MYPN: variants seen among roughly 807,000 people sequenced by gnomAD.
The protein encoded by MYPN is sarcomeric protein myopalladin, 145 kDa (MYOP).
MYPN carries 63 observed loss-of-function variants against 129.4 expected under a neutral mutation model. The ratio of observed to expected loss-of-function variants is 0.49; its 90% CI spans 0.40 to 0.60. The LOEUF is 0.60. Ranked by LOEUF, MYPN falls within the 20% of genes least tolerant of loss-of-function variation. MYPN has a pLI of 0.00. For missense variants in MYPN, 1,596 were observed against 1,635.4 expected (o/e 0.98, Z 0.42); for synonymous variants, 629 against 600.9 (o/e 1.05, Z -0.68).
In MYPN at chr10:68,176,103, C is replaced by A. The variant is rs1235112991; in HGVS notation, c.2703+642C>A. ...GCTGTCTAATCTTCAATCTAATGTGCTTAAAAGTTTGATCACCAGTACCTC... is the reference window on the plus strand; with the variant it reads ...GCTGTCTAATCTTCAATCTAATGTGATTAAAAGTTTGATCACCAGTACCTC... On this transcript the variant is annotated intron_variant, in intron 12 of 19. Coordinates refer to ENST00000358913, the MANE Select transcript of MYPN (RefSeq NM_032578.4). Among the ~76,000 whole-genome samples the A allele has an allele frequency of 3.9e-5, 6 of 152,218 alleles. No individual in the cohort carries two copies. The East Asian group carries it at 1.2e-3, about 29-fold the overall frequency.
At position 68,201,939 on chromosome 10, in the gene MYPN, G is replaced by A. The variant is rs1458070941; in HGVS notation, c.3604G>A (p.Val1202Met). The A allele has an allele frequency of 6.2e-7, 1 of 1,614,028 alleles. No individual in the cohort carries two copies. Among genetic ancestry groups the A allele is most frequent in the Non-Finnish European group, 8.5e-7 (1 of 1,180,038 alleles). ...CCGCGTGATAGGCATGCCCCCACCTGTGTTCTACTGGAAGAAAGACAATGA... is the reference window on the plus strand; with the variant it reads ...CCGCGTGATAGGCATGCCCCCACCTATGTTCTACTGGAAGAAAGACAATGA... ...ECRVIGMPPP[V>M]FYWKKDNETI... is the part of the protein sequence containing the mutation. The change falls in exon 18 of 20, where the codon GTG (valine) becomes ATG (methionine). Residue 1202 changes from valine (V) to methionine (M), a missense_variant. Physicochemically the swap from Val to Met is conservative, Grantham distance 21 (BLOSUM62 1). Transcript: ENST00000358913.
intron 1 of MYPN, among the ~76,000 whole-genome samples, chr10:68,110,543 G>A (rs2133961928): frequency 6.6e-6 from 1 of 152,232 alleles, no homozygotes; most frequent in Admixed American, 6.5e-5. Context: ...ACATCAGCTT[G>A]AAAGAAACAA....
At chr10:68,147,934 A>G (rs2042696619) in intron 4 of MYPN, among the ~76,000 whole-genome samples, 1 of 152,212 alleles carries the variant, frequency 6.6e-6, no homozygotes, top group Non-Finnish European at 1.5e-5. Context: ...TATATATGAG[A>G]GACCCTGTCT....
upstream of MYPN, among the ~76,000 whole-genome samples, chr10:68,102,873 A>T (rs985388779): frequency 6.6e-6 from 1 of 152,184 alleles, no homozygotes; most frequent in African/African-American, 2.4e-5. Flanking sequence ...CTGTAACATT[A>T]TCTGCTTACT....
chr10:68,121,456 AG>A lies in MYPN; in HGVS notation c.19del (p.Glu7LysfsTer10). On this transcript the variant is annotated frameshift_variant, in exon 2 of 20. Coordinates refer to ENST00000358913, the MANE Select transcript of MYPN (RefSeq NM_032578.4). LOFTEE classifies it high-confidence loss of function. Reference sequence around the variant, plus strand: ...GTGACAGCATGCAAGACGACAGCATAGAAGCTTCTACTTCCATATCTCAGCT... The same window carrying A: ...GTGACAGCATGCAAGACGACAGCATAAAGCTTCTACTTCCATATCTCAGCT... The part of the protein sequence containing the change: MQDDSI[E>X]ASTSISQLLR... The A allele has an allele frequency of 6.2e-7, 1 of 1,612,590 alleles. No individual in the cohort carries two copies. Among genetic ancestry groups the A allele is most frequent in the Non-Finnish European group, 8.5e-7 (1 of 1,179,404 alleles).
Position 68,165,074 on chromosome 10 carries a change from G to A in MYPN, c.1484-628G>A, listed in dbSNP as rs564812973. The stretch of plus-strand genomic sequence containing the variant: ...CTAATTTGTTTTTGTGATTTTTTAA[G>A]TTTATTGTTATACATTTCTATTTTT... On this transcript the variant is annotated intron_variant, in intron 8 of 19. Transcript: ENST00000358913. Among the ~76,000 whole-genome samples the A allele has an allele frequency of 5.3e-5, 8 of 152,258 alleles. No individual in the cohort carries two copies. The East Asian group carries it at 1.5e-3, about 29-fold the overall frequency.
At position 68,121,565 on chromosome 10, in the gene MYPN, C is replaced by A. The variant is rs2042242406; in HGVS notation, c.127C>A (p.His43Asn). The change falls in exon 2 of 20, where the codon CAT (histidine) becomes AAT (asparagine). Residue 43 changes from histidine (H) to asparagine (N), a missense_variant. His to Asn is a moderately conservative substitution (Grantham distance 68, BLOSUM62 1). Transcript: ENST00000358913. ...SRAEPSSNPC[H>N]FGSPSGAAEG... ...AGCGGAGCCCTCCTCCAACCCTTGC[C>A]ATTTCGGCAGTCCTTCTGGGGCCGC... 1.2e-6 allele frequency: 2 copies of A among 1,614,204 alleles called. No homozygotes were observed. Among genetic ancestry groups the A allele is most frequent in the Non-Finnish European group, 1.7e-6 (2 of 1,180,050 alleles).
intron 2 of MYPN, 115 bp from the exon 3 acceptor site, chr10:68,142,825 T>TTTG (rs1345078845): frequency 2.0e-6 from 2 of 1,022,656 alleles, no homozygotes; most frequent in Non-Finnish European, 3.1e-6. Context: ...GATGGAGTTT[T>TTTG]TTGTTGTTGT....
chr10:68,112,279 A>C (rs2042092333), intron 1 of MYPN, among the ~76,000 whole-genome samples: 1 of 152,116 alleles, frequency 6.6e-6, no homozygotes, highest in Non-Finnish European at 1.5e-5. Context: ...TGTCTTTCAG[A>C]TTAAATAGTA....
chr10:68,094,083 G>A lies in MYPN; in HGVS notation c.-2+6091G>A, dbSNP rs148629832. Among the ~76,000 whole-genome samples, 10 of 152,040 alleles carry A rather than the reference G, an allele frequency of 6.6e-5. No individual in the cohort carries two copies. In the East Asian group the frequency reaches 1.5e-3, roughly 23 times the overall value. On this transcript the variant is annotated intron_variant, in intron 1 of 6. Coordinates refer to the MYPN transcript ENST00000685154. Reference sequence around the variant, plus strand: ...AGGACAACCAAAGGTCACTTTCGTCGCCATCTTGGATTTGGTGGATTTTGG... The same window carrying A: ...AGGACAACCAAAGGTCACTTTCGTCACCATCTTGGATTTGGTGGATTTTGG...
chr10:68,175,240 C>T, intron 11 of MYPN, 83 bp from the exon 12 acceptor site: 1 of 1,473,656 alleles, frequency 6.8e-7, no homozygotes, highest in Non-Finnish European at 9.5e-7. Context: ...TTCTGGTTGT[C>T]ATTTCAACCA....
chr10:68,175,214 C>T lies in MYPN; in HGVS notation c.2565-109C>T, dbSNP rs2043208353. ...TGCACAGGGCTTAATTCCCTAAGTG[C>T]CTAATGACCGCTGGTTTCTGGTTGT... On this transcript the variant is annotated intron_variant, in intron 11 of 19. Coordinates refer to ENST00000358913, the MANE Select transcript of MYPN (RefSeq NM_032578.4). 7 of 1,163,592 alleles carry T rather than the reference C, an allele frequency of 6.0e-6. 1 individual carries two copies. The East Asian group carries it at 1.4e-4, about 24-fold the overall frequency. 72.1% of individuals were successfully genotyped at this position (1,163,592 alleles called of 1,614,324 possible).
At chr10:68,199,241 G>C in intron 16 of MYPN, 127 bp from the exon 17 acceptor site, 1 of 866,460 alleles carries the variant, frequency 1.2e-6, no homozygotes, top group South Asian at 1.4e-5. Flanking sequence ...CCCCTACAGA[G>C]AGGTTTCTCA....
chr10:68,180,050 C>G lies in MYPN; in HGVS notation c.2703+4589C>G, dbSNP rs78760442. ...CTGTGTTTTGCAGAATGTTGTATCC[C>G]CATTGTCTATCACAGTGTTTAGCAC... On this transcript the variant is annotated intron_variant, in intron 12 of 19. Coordinates refer to ENST00000358913, the MANE Select transcript of MYPN (RefSeq NM_032578.4). Among the ~76,000 whole-genome samples the G allele has an allele frequency of 1.8e-4, 28 of 152,242 alleles. No homozygotes were observed. The East Asian group carries it at 5.2e-3, about 28-fold the overall frequency.
rs1481178406 is a variant in MYPN at position 68,165,814 on chromosome 10, G to A, written c.1596G>A (p.Val532=). 6.2e-7 allele frequency: 1 copy of A among 1,612,136 alleles called. No homozygotes were observed. The highest frequency in any genetic ancestry group is 8.5e-7 in the Non-Finnish European group (1 of 1,178,164). The change falls in exon 9 of 20, where the codon GTG becomes GTA. Residue 532 remains valine (V), a synonymous_variant. Coordinates refer to ENST00000358913, the MANE Select transcript of MYPN (RefSeq NM_032578.4). ...TGTCAAGCATTGCACAGCTGCACGT[G>A]AGAGGTAAGGACTCTTTAATGCTAG... is the stretch of plus-strand genomic sequence containing the variant. The part of the protein sequence containing the change: ...GTVSSIAQLH[V]RGNEDLSNNG...
Position 68,158,591 on chromosome 10 carries a change from A to C in MYPN, c.1423A>C (p.Ile475Leu). 1 of 1,601,298 alleles carries C rather than the reference A, an allele frequency of 6.2e-7. No homozygotes were observed. Among genetic ancestry groups the C allele is most frequent in the Non-Finnish European group, 8.6e-7 (1 of 1,168,632 alleles). ...KVEWYREGTL[I>L]EDSPDFRILQ... is the part of the protein sequence containing the mutation. ...TGAGTGGTATAGAGAAGGGACTTTA[A>C]TAGAAGATTCTCCAGATTTTAGGAT... Residue 475 changes from isoleucine to leucine, a missense_variant, in exon 7 of 20, where the codon ATA becomes CTA. By Grantham distance (5) the Ile-to-Leu change is conservative. Transcript: ENST00000358913.
chr10:68,106,097 T>C (rs760321087), upstream of MYPN: 12 of 453,224 alleles, frequency 2.6e-5, no homozygotes, highest in Non-Finnish European at 4.4e-6. Context: ...CATGGCACTT[T>C]TGTGTCTGAC....
chr10:68,151,503 G>A (rs1051815163), intron 6 of MYPN, among the ~76,000 whole-genome samples: 3 of 151,998 alleles, frequency 2.0e-5, no homozygotes, highest in South Asian at 2.1e-4. Context: ...ACCTTTATGC[G>A]GGGGGGTGTA....
chr10:68,152,097 T>G (rs1350562740), intron 6 of MYPN, among the ~76,000 whole-genome samples: 5 of 152,214 alleles, frequency 3.3e-5, no homozygotes, highest in Non-Finnish European at 7.3e-5. Flanking sequence ...TCAAATATTT[T>G]TTTGATTGGC....
Sources: gnomAD v4.1 joint callset for allele counts (sites outside exome capture counted in the v4.1 genomes callset) on GRCh38, gnomAD v4.1.1 for gene constraint, MANE v1.5 for transcripts, NCBI Gene and HGNC (gene_info 2026-07-23, HGNC 2026-07-21) for gene names.